Variants in ADD2 observed in about 807,000 individuals in gnomAD.
ADD2 encodes beta-adducin.
Under a neutral mutation model 83.0 loss-of-function variants are expected in ADD2, and 23 were observed. The observed-to-expected ratio is 0.28, with a 90% CI of 0.20 to 0.39. The LOEUF (loss-of-function observed/expected upper bound fraction) is 0.39, where lower values mean the gene tolerates loss of function less well. Ranked by LOEUF, ADD2 falls within the 10% of genes least tolerant of loss-of-function variation. The pLI, the probability that ADD2 is intolerant of heterozygous loss-of-function variation, is 1.00. For synonymous variants in ADD2, 375 were observed against 375.4 expected (o/e 1.00, Z 0.01); for missense variants, 758 against 944.9 (o/e 0.80, Z 2.59).
chr2:70,720,094 G>T (rs537261916), intron 1 of ADD2, among the ~76,000 whole-genome samples: 5 of 152,060 alleles, frequency 3.3e-5, no homozygotes, highest in Admixed American at 1.3e-4. Context: ...TGTTTTGTGG[G>T]GTTTTTTTTA....
At chr2:70,686,577 T>C (rs1670736815) in intron 9 of ADD2, among the ~76,000 whole-genome samples, 1 of 152,164 alleles carries the variant, frequency 6.6e-6, no homozygotes, top group Non-Finnish European at 1.5e-5. Flanking sequence ...ATGATGTTTT[T>C]ACAGGAGATA....
intron 15 of ADD2, among the ~76,000 whole-genome samples, chr2:70,664,567 T>C (rs1383672023): frequency 1.3e-5 from 2 of 152,166 alleles, no homozygotes; most frequent in Non-Finnish European, 2.9e-5. Context: ...GTAAATATTA[T>C]CTGATGCCTC....
chr2:70,744,515 C>A (rs1327855531), intron 1 of ADD2, among the ~76,000 whole-genome samples: 1 of 152,126 alleles, frequency 6.6e-6, no homozygotes, highest in East Asian at 1.9e-4. Flanking sequence ...CATGAAAGGG[C>A]ATTCCTAGTG....
chr2:70,673,441 A>G (rs1669992395), intron 14 of ADD2: 2 of 757,310 alleles, frequency 2.6e-6, no homozygotes, highest in Non-Finnish European at 4.5e-6. Flanking sequence ...CTCCCCTTAA[A>G]AACACCCATG....
chr2:70,708,575 C>T (rs1672020577), intron 2 of ADD2, among the ~76,000 whole-genome samples: 1 of 152,176 alleles, frequency 6.6e-6, no homozygotes. Context: ...CACAAAACCT[C>T]ACATAATCTG....
At chr2:70,666,287 C>T (rs1232518398) in intron 15 of ADD2, among the ~76,000 whole-genome samples, 1 of 152,234 alleles carries the variant, frequency 6.6e-6, no homozygotes, top group Non-Finnish European at 1.5e-5. Context: ...TGGATTTATT[C>T]TAACCAAGCC....
chr2:70,707,321 G>A (rs1327140464), intron 2 of ADD2, among the ~76,000 whole-genome samples: 1 of 152,200 alleles, frequency 6.6e-6, no homozygotes, highest in East Asian at 1.9e-4. Flanking sequence ...TGGTTTGCAG[G>A]GTGCCATGCT....
At chr2:70,685,805 C>T (rs1363511601) in intron 9 of ADD2, among the ~76,000 whole-genome samples, 1 of 152,212 alleles carries the variant, frequency 6.6e-6, no homozygotes, top group Non-Finnish European at 1.5e-5. Context: ...CTTGCAAGAG[C>T]TGCCTCCTCC....
chr2:70,743,448 C>T (rs1674024907), intron 1 of ADD2, among the ~76,000 whole-genome samples: 1 of 152,336 alleles, frequency 6.6e-6, no homozygotes, highest in South Asian at 2.1e-4. Flanking sequence ...CGTCTTATGG[C>T]TGTCTCCTCT....
chr2:70,719,322 G>A (rs150264496), intron 1 of ADD2, among the ~76,000 whole-genome samples: 50 of 152,280 alleles, frequency 3.3e-4, no homozygotes, highest in Admixed American at 1.5e-3. Context: ...GGATGCAATC[G>A]TAATCCCATT....
At chr2:70,711,543 A>G (rs1030895511) in intron 2 of ADD2, among the ~76,000 whole-genome samples, 3 of 152,186 alleles carry the variant, frequency 2.0e-5, no homozygotes, top group Non-Finnish European at 4.4e-5. Flanking sequence ...GATTTTTAAA[A>G]AAACTCTGGA....
At chr2:70,670,117 T>C (rs1190496337) in intron 15 of ADD2, among the ~76,000 whole-genome samples, 4 of 152,230 alleles carry the variant, frequency 2.6e-5, no homozygotes, top group Non-Finnish European at 5.9e-5. Context: ...TCTTATTCTA[T>C]ACCATGACTT....
At position 70,657,529 on chromosome 2, in the gene ADD2, C is replaced by CA. The variant is rs1553364315; in HGVS notation, c.*5895dup. ...TCAATCACCCACAAAGCAGGACCAA[C>CA]AGGTGTGAGGTGGAGTGGAAGTGTG... On this transcript the variant is annotated 3_prime_UTR_variant, in exon 16 of 16. Coordinates refer to ENST00000264436, the MANE Select transcript of ADD2 (RefSeq NM_001617.4). 6.6e-6 allele frequency: 1 copy of CA among 152,166 alleles called. No homozygotes were observed. The highest frequency in any genetic ancestry group is 1.9e-4 in the East Asian group (1 of 5,190). The allele number at this position is 152,166 out of a possible 1,614,324, so 9.4% of individuals were successfully genotyped here.
intron 1 of ADD2, among the ~76,000 whole-genome samples, chr2:70,766,583 A>C (rs1675395409): frequency 6.6e-6 from 1 of 152,186 alleles, no homozygotes; most frequent in East Asian, 1.9e-4. Flanking sequence ...AACGGAACAT[A>C]ATTTTCTAAT....
rs782480420 is a variant in ADD2 at position 70,706,438 on chromosome 2, G to C, written c.-30C>G. The C allele has an allele frequency of 4.0e-5, 63 of 1,587,156 alleles. 1 individual carries two copies. In the South Asian group the frequency reaches 5.6e-4, roughly 14 times the overall value. On this transcript the variant is annotated 5_prime_UTR_variant, in exon 3 of 16. Coordinates refer to ENST00000264436, the MANE Select transcript of ADD2 (RefSeq NM_001617.4). The surrounding 1 kb of genome is among the most constrained non-coding windows in gnomAD (Gnocchi z 5.0). ...CCGGTGGGTTTGCAATTCGCTCCTG[G>C]AACTCTACAGAGAAGGGGAGAGGGT...
At chr2:70,713,034 C>G in intron 2 of ADD2, 32 bp downstream of exon 2, 1 of 948,560 alleles carries the variant, frequency 1.1e-6, no homozygotes, top group Non-Finnish European at 1.3e-6. Flanking sequence ...GTGCATCACC[C>G]CCGTCACCAC....
intron 1 of ADD2, among the ~76,000 whole-genome samples, chr2:70,752,098 G>A (rs1196325188): frequency 2.0e-5 from 3 of 152,108 alleles, no homozygotes; most frequent in East Asian, 1.9e-4. Flanking sequence ...TAACACACAC[G>A]CGCTTTGGAC....
intron 4 of ADD2, among the ~76,000 whole-genome samples, chr2:70,704,039 G>A (rs1254330736): frequency 1.3e-5 from 2 of 152,114 alleles, no homozygotes; most frequent in Non-Finnish European, 2.9e-5. Flanking sequence ...GTGGGGCATG[G>A]AAACACAGGC....
intron 1 of ADD2, among the ~76,000 whole-genome samples, chr2:70,765,250 G>A (rs1574339400): frequency 6.6e-6 from 1 of 152,234 alleles, no homozygotes; most frequent in East Asian, 1.9e-4. Flanking sequence ...CTATTCGGGA[G>A]GCTGAGGCGT....
Sources: gnomAD v4.1 joint callset for allele counts (sites outside exome capture counted in the v4.1 genomes callset) on GRCh38, gnomAD v4.1.1 for gene constraint, Gnocchi (gnomAD v3.1) non-coding constraint, MANE v1.5 for transcripts, NCBI Gene and HGNC (gene_info 2026-07-23, HGNC 2026-07-21) for gene names.